The following TEX9 variants were observed in gnomAD, a reference collection of about 807,000 sequenced individuals.
The protein encoded by TEX9 is testis-expressed protein 9.
A neutral mutation model predicts 59.6 loss-of-function variants in TEX9; 74 were observed. The observed-to-expected ratio is 1.24, with a 90% CI of 1.03 to 1.51. The LOEUF (loss-of-function observed/expected upper bound fraction) is 1.51, where lower values mean the gene tolerates loss of function less well. TEX9 is among the 40% of genes most tolerant of loss of function. The pLI, the probability that TEX9 is intolerant of heterozygous loss-of-function variation, is 0.00. For synonymous variants in TEX9, 186 were observed against 152.2 expected (o/e 1.22, Z -1.64); for missense variants, 522 against 447.8 (o/e 1.17, Z -1.49).
intron 1 of TEX9, among the ~76,000 whole-genome samples, chr15:56,353,888 G>C (rs1025816039): frequency 6.6e-6 from 1 of 152,104 alleles, no homozygotes; most frequent in South Asian, 2.1e-4. Flanking sequence ...TCTTTCCTGA[G>C]GCTATCAATG....
chr15:56,352,528 C>G lies in TEX9; in HGVS notation c.-106-20913C>G, dbSNP rs2046604734. On this transcript the variant is annotated intron_variant, in intron 1 of 5. Transcript: ENST00000560827. ...TTGGCCTCCCTAAGTGTTGGGATTA[C>G]AGGAGTGAGCCATCATGCCCCGCCC... Among the ~76,000 whole-genome samples, 3 of 152,068 alleles carry G rather than the reference C, an allele frequency of 2.0e-5. No individual in the cohort carries two copies. The South Asian group carries it at 6.2e-4, about 31-fold the overall frequency.
At chr15:56,439,670 A>G (rs1596258723) in intron 12 of TEX9, among the ~76,000 whole-genome samples, 1 of 152,032 alleles carries the variant, frequency 6.6e-6, no homozygotes, top group Non-Finnish European at 1.5e-5. Flanking sequence ...TCCAATGGCA[A>G]AAACTGTATT....
chr15:56,287,004 A>C (rs2044968946), intron 1 of TEX9, among the ~76,000 whole-genome samples: 1 of 152,162 alleles, frequency 6.6e-6, no homozygotes, highest in Non-Finnish European at 1.5e-5. Flanking sequence ...ATTTGAACAG[A>C]GTGGTTTTTA....
intron 1 of TEX9, among the ~76,000 whole-genome samples, chr15:56,308,905 C>A (rs1463356873): frequency 6.6e-6 from 1 of 152,084 alleles, no homozygotes; most frequent in Non-Finnish European, 1.5e-5. Context: ...TACCATTGAT[C>A]TGTATATTTA....
At chr15:56,292,900 C>T (rs2045129903) in intron 1 of TEX9, among the ~76,000 whole-genome samples, 1 of 152,194 alleles carries the variant, frequency 6.6e-6, no homozygotes, top group Non-Finnish European at 1.5e-5. Flanking sequence ...TTTTCACACT[C>T]ATTTTTGTGC....
At chr15:56,394,454 C>G (rs562895817) in intron 8 of TEX9, 29 of 618,556 alleles carry the variant, frequency 4.7e-5, no homozygotes, top group Non-Finnish European at 7.9e-5. Context: ...AATTAGAATT[C>G]TCTATATTAG....
intron 1 of TEX9, among the ~76,000 whole-genome samples, chr15:56,339,170 G>A (rs537811365): frequency 6.6e-6 from 1 of 151,576 alleles, no homozygotes; most frequent in Non-Finnish European, 1.5e-5. Context: ...ATCACCTGAG[G>A]TCAGGAGTTC....
chr15:56,459,943 T>C, the TEX9 span, among the ~76,000 whole-genome samples: 1 of 135,442 alleles, frequency 7.4e-6, no homozygotes, highest in African/African-American at 2.8e-5. Context: ...TGAGCCAAAA[T>C]TGCGCCATTG....
chr15:56,308,236 T>C (rs928209268), intron 1 of TEX9, among the ~76,000 whole-genome samples: 10 of 152,226 alleles, frequency 6.6e-5, no homozygotes, highest in Middle Eastern at 3.2e-3. Flanking sequence ...CCAATACTTG[T>C]TATTTCCATC....
intron 9 of TEX9, chr15:56,397,932 C>A (rs2048557022): frequency 6.5e-6 from 1 of 153,782 alleles, no homozygotes; most frequent in African/African-American, 2.4e-5. Flanking sequence ...TTGTAAATTG[C>A]CCAGTCTTGG....
chr15:56,346,671 GAAAA>G (rs2046476657), intron 1 of TEX9, among the ~76,000 whole-genome samples: 1 of 152,102 alleles, frequency 6.6e-6, no homozygotes, highest in Admixed American at 6.6e-5. Flanking sequence ...TTGCAGATAG[GAAAA>G]ACCAACCCCA....
chr15:56,392,058 T>G (rs7169321), intron 7 of TEX9, among the ~76,000 whole-genome samples: 5,173 of 152,042 alleles, frequency 0.034, 296 homozygotes, highest in African/African-American at 0.12. Context: ...ATATATGAAC[T>G]AGTTACTGCT....
chr15:56,268,572 A>G (rs192529046), intron 1 of TEX9, among the ~76,000 whole-genome samples: 1 of 152,070 alleles, frequency 6.6e-6, no homozygotes, highest in Non-Finnish European at 1.5e-5. Context: ...TTCTGCATCT[A>G]TTGAGATAAT....
At chr15:56,318,366 C>A (rs1345410924) in intron 1 of TEX9, among the ~76,000 whole-genome samples, 1 of 152,052 alleles carries the variant, frequency 6.6e-6, no homozygotes, top group East Asian at 1.9e-4. Flanking sequence ...GTTTTGTCAT[C>A]TTTTTCTTTC....
intron 9 of TEX9, among the ~76,000 whole-genome samples, chr15:56,407,070 A>G (rs1596200914): frequency 6.6e-6 from 1 of 151,954 alleles, no homozygotes; most frequent in East Asian, 1.9e-4. Flanking sequence ...TTCTTCTAGA[A>G]GTGTTATAGT....
intron 1 of TEX9, among the ~76,000 whole-genome samples, chr15:56,348,578 C>G: frequency 6.6e-6 from 1 of 152,108 alleles, no homozygotes; most frequent in Admixed American, 6.6e-5. Context: ...CTGCTCACTT[C>G]TATTATTTCT....
intron 9 of TEX9, among the ~76,000 whole-genome samples, chr15:56,411,710 G>A (rs1019417696): frequency 1.3e-5 from 2 of 152,140 alleles, no homozygotes; most frequent in African/African-American, 2.4e-5. Flanking sequence ...TGTTTCTTCA[G>A]GTGTTGGCCT....
At chr15:56,402,430 A>C (rs2048843339) in intron 9 of TEX9, among the ~76,000 whole-genome samples, 1 of 152,200 alleles carries the variant, frequency 6.6e-6, no homozygotes, top group Non-Finnish European at 1.5e-5. Flanking sequence ...TCCCAAGACT[A>C]AACCAGGAAG....
At chr15:56,316,067 A>T (rs2045750972) in intron 1 of TEX9, among the ~76,000 whole-genome samples, 1 of 148,840 alleles carries the variant, frequency 6.7e-6, no homozygotes, top group African/African-American at 2.4e-5. Context: ...TTTTTTTCAA[A>T]GTTTTCAACT....
Sources: allele counts gnomAD v4.1 joint callset (sites outside exome capture counted in the v4.1 genomes callset), GRCh38; gene constraint gnomAD v4.1.1; transcripts MANE v1.5; gene names NCBI Gene and HGNC (gene_info 2026-07-23, HGNC 2026-07-21).